Variants in FOXJ3 observed in about 807,000 individuals in gnomAD.
The protein encoded by FOXJ3 is forkhead box protein J3.
FOXJ3 carries 22 observed loss-of-function variants against 76.1 expected under a neutral mutation model. That is an observed-to-expected ratio of 0.29 (90% CI 0.21 to 0.41). The LOEUF (loss-of-function observed/expected upper bound fraction) is 0.41, where lower values mean the gene tolerates loss of function less well. Ranked by LOEUF, FOXJ3 falls within the 10% of genes least tolerant of loss-of-function variation. The pLI, the probability that FOXJ3 is intolerant of heterozygous loss-of-function variation, is 1.00. For missense variants in FOXJ3, 613 were observed against 762.1 expected (o/e 0.80, Z 2.30); for synonymous variants, 269 against 261.2 (o/e 1.03, Z -0.29).
rs757353936 is a variant in FOXJ3 at position 42,199,136 on chromosome 1, A to G, written c.725T>C (p.Leu242Ser). The change falls in exon 7 of 13, where the codon TTG becomes TCG. Residue 242 changes from leucine to serine, a missense_variant. This residue lies in a region of FOXJ3 where 526 missense variants were observed against 601.4 expected (regional missense o/e 0.87). Transcript: ENST00000361346. ...ACTATGCACACTTCCAACACTGTTC[A>G]AATTAACAGATGCCAAACTCTGGTC... ...LSDQSLASVN[L>S]NSVGSVHSYT... is the part of the protein sequence containing the mutation. 1.9e-6 allele frequency: 3 copies of G among 1,613,812 alleles called. No homozygotes were observed. The highest frequency in any genetic ancestry group is 1.7e-5 in the Admixed American group (1 of 60,022).
intron 4 of FOXJ3, among the ~76,000 whole-genome samples, chr1:42,255,177 G>C (rs970003287): frequency 9.9e-5 from 15 of 152,160 alleles, no homozygotes; most frequent in African/African-American, 3.6e-4. Flanking sequence ...ATAGCACAAA[G>C]AAAGGAATGT....
At chr1:42,330,948 T>C (rs1420388209) in intron 1 of FOXJ3, among the ~76,000 whole-genome samples, 1 of 152,158 alleles carries the variant, frequency 6.6e-6, no homozygotes, top group Non-Finnish European at 1.5e-5. Context: ...ACTATATGAA[T>C]GTTCAAGGGC....
chr1:42,261,219 A>T (rs572614933), intron 4 of FOXJ3, among the ~76,000 whole-genome samples: 12 of 152,188 alleles, frequency 7.9e-5, no homozygotes, highest in African/African-American at 2.9e-4. Flanking sequence ...AAAAAAAGAC[A>T]AATATAGAGA....
intron 4 of FOXJ3, among the ~76,000 whole-genome samples, chr1:42,236,679 C>G (rs1331089760): frequency 6.6e-6 from 1 of 152,212 alleles, no homozygotes; most frequent in Non-Finnish European, 1.5e-5. Context: ...CCTTAGCCTT[C>G]TCTCATCCCA....
At chr1:42,320,272 A>T (rs778731181) in intron 1 of FOXJ3, among the ~76,000 whole-genome samples, 3 of 152,036 alleles carry the variant, frequency 2.0e-5, no homozygotes, top group Non-Finnish European at 2.9e-5. Flanking sequence ...CAAACCCCAA[A>T]CCTTACTTCC....
intron 11 of FOXJ3, among the ~76,000 whole-genome samples, chr1:42,186,328 T>C (rs373222376): frequency 4.5e-4 from 68 of 152,240 alleles, no homozygotes; most frequent in African/African-American, 1.5e-3. Flanking sequence ...AGAACAACTG[T>C]TGTCAGAGGC....
At chr1:42,255,462 A>T (rs897989199) in intron 4 of FOXJ3, among the ~76,000 whole-genome samples, 1 of 152,240 alleles carries the variant, frequency 6.6e-6, no homozygotes, top group African/African-American at 2.4e-5. Flanking sequence ...CAACGTTAAG[A>T]ACAAAAGAAA....
At chr1:42,297,039 T>G (rs1653831303) in intron 2 of FOXJ3, among the ~76,000 whole-genome samples, 1 of 152,112 alleles carries the variant, frequency 6.6e-6, no homozygotes, top group Non-Finnish European at 1.5e-5. Flanking sequence ...AATGTATTCC[T>G]AGGGGTGTGC....
rs751295614 is a variant in FOXJ3, at chr1:42,199,103, G to A, written c.758C>T (p.Pro253Leu). The change falls in exon 7 of 13, where the codon CCG becomes CTG. Residue 253 changes from proline (P) to leucine (L), a missense_variant and splice_region_variant. Coordinates refer to ENST00000361346, the MANE Select transcript of FOXJ3 (RefSeq NM_014947.5). ...CATGTTAACTTCATCAAGACTTACC[G>A]GTGTATAACTATGCACACTTCCAAC... ...NSVGSVHSYT[P>L]VTSHPESVSQ... 9 of 1,611,304 alleles carry A rather than the reference G, an allele frequency of 5.6e-6. No individual in the cohort carries two copies. Among genetic ancestry groups the A allele is most frequent in the South Asian group, 3.3e-5 (3 of 90,940 alleles).
intron 5 of FOXJ3, among the ~76,000 whole-genome samples, chr1:42,207,224 C>T (rs977733917): frequency 4.3e-4 from 65 of 152,294 alleles, no homozygotes; most frequent in African/African-American, 1.4e-3. Context: ...AATCACCAAT[C>T]TACTTTCTAT....
At position 42,299,682 on chromosome 1, in the gene FOXJ3, G is replaced by A. The variant is rs149317042; in HGVS notation, c.44+11368C>T. On this transcript the variant is annotated intron_variant, in intron 2 of 12. Coordinates refer to ENST00000361346, the MANE Select transcript of FOXJ3 (RefSeq NM_014947.5). ...TAGCCCTTTAGAGGCCAAAGTGGGC[G>A]GATTACTTGAGGTCAGGAGCTCAAG... Among the ~76,000 whole-genome samples the A allele has an allele frequency of 1.3e-3, 201 of 152,072 alleles. 1 individual carries two copies. Among genetic ancestry groups the A allele is most frequent in the African/African-American group, 4.6e-3 (189 of 41,464 alleles).
chr1:42,334,826 C>G (rs1035533800), intron 1 of FOXJ3: 1 of 152,238 alleles, frequency 6.6e-6, no homozygotes, highest in Admixed American at 6.5e-5. Flanking sequence ...TGAGGGGCAG[C>G]AGCAGCTGAG....
At chr1:42,182,312 C>T (rs1646340904) in intron 11 of FOXJ3, among the ~76,000 whole-genome samples, 1 of 152,174 alleles carries the variant, frequency 6.6e-6, no homozygotes, top group Non-Finnish European at 1.5e-5. Flanking sequence ...TACCTCATTA[C>T]AATTCAAAAG....
chr1:42,294,700 T>G (rs1653667668), intron 2 of FOXJ3, among the ~76,000 whole-genome samples: 1 of 144,454 alleles, frequency 6.9e-6, no homozygotes, highest in African/African-American at 2.6e-5. Flanking sequence ...AGGCGGAGGC[T>G]GCAGTGAGCA....
intron 5 of FOXJ3, among the ~76,000 whole-genome samples, chr1:42,218,943 G>A (rs574333109): frequency 1.3e-5 from 2 of 152,214 alleles, no homozygotes; most frequent in South Asian, 4.1e-4. Context: ...CAGATTCCCA[G>A]GCCTGTACAG....
At chr1:42,184,622 G>A (rs1021580477) in intron 11 of FOXJ3, among the ~76,000 whole-genome samples, 2 of 152,020 alleles carry the variant, frequency 1.3e-5, no homozygotes, top group Admixed American at 6.6e-5. Flanking sequence ...TCTGCTTTTC[G>A]GGTGTGTATT....
chr1:42,210,972 A>G (rs1469021711), intron 5 of FOXJ3, among the ~76,000 whole-genome samples: 1 of 152,198 alleles, frequency 6.6e-6, no homozygotes, highest in Non-Finnish European at 1.5e-5. Context: ...GGAGCACCTC[A>G]TGAGACAAAA....
rs1365745801 is a variant in FOXJ3 at position 42,212,961 on chromosome 1, AAAAAAAAAAAC to A, written c.529-7109_529-7099del. Among the ~76,000 whole-genome samples, 106 of 147,728 alleles carry A rather than the reference AAAAAAAAAAAC, an allele frequency of 7.2e-4. 2 individuals are homozygous for A. In the East Asian group the frequency reaches 0.017, roughly 24 times the overall value. On this transcript the variant is annotated intron_variant, in intron 5 of 12. Transcript: ENST00000361346. ...AGCCAAGAATTTTGTATCTAGCAAA[AAAAAAAAAAAC>A]AAAAAAAAAACTAAGTTTCATAAGT...
chr1:42,216,970 C>A (rs1647082128), intron 5 of FOXJ3, among the ~76,000 whole-genome samples: 1 of 152,050 alleles, frequency 6.6e-6, no homozygotes, highest in Admixed American at 6.5e-5. Flanking sequence ...CATGAAAAGG[C>A]AAAGACTTTC....
Sources: allele counts gnomAD v4.1 joint callset (sites outside exome capture counted in the v4.1 genomes callset), GRCh38; gene constraint gnomAD v4.1.1; regional missense constraint gnomAD v4.1.1; transcripts MANE v1.5; gene names NCBI Gene and HGNC (gene_info 2026-07-23, HGNC 2026-07-21).